The following PCBP3 variants were observed in gnomAD, a reference collection of about 807,000 sequenced individuals.
PCBP3 encodes poly(rC) binding protein 3.
PCBP3 carries 25 observed loss-of-function variants against 52.7 expected under a neutral mutation model. The ratio of observed to expected loss-of-function variants is 0.47; its 90% CI spans 0.35 to 0.66. PCBP3 has a LOEUF of 0.66. Ranked by LOEUF, PCBP3 falls within the 30% of genes least tolerant of loss-of-function variation. PCBP3 has a pLI of 0.01. For synonymous variants in PCBP3, 162 were observed against 183.0 expected (o/e 0.89, Z 0.93); for missense variants, 391 against 490.3 (o/e 0.80, Z 1.91).
chr21:45,725,516 G>T (rs1038233957), intron 2 of PCBP3, among the ~76,000 whole-genome samples: 2 of 152,328 alleles, frequency 1.3e-5, no homozygotes, highest in South Asian at 4.1e-4. Context: ...GACTGTGGGG[G>T]CAGTGCCTGC....
At chr21:45,891,635 T>C (rs1463393558) in intron 5 of PCBP3, among the ~76,000 whole-genome samples, 1 of 152,158 alleles carries the variant, frequency 6.6e-6, no homozygotes, top group African/African-American at 2.4e-5. Flanking sequence ...TGTGAGCCAC[T>C]GTGGGACACC....
intron 11 of PCBP3, chr21:45,911,293 C>A (rs544812012): frequency 1.2e-4 from 61 of 498,942 alleles, no homozygotes; most frequent in South Asian, 1.2e-3. Context: ...CTCCTCTCAT[C>A]TTCGGATTTG....
rs535815419 is a variant in PCBP3 at position 45,793,428 on chromosome 21, G to A, written c.-126+37976G>A. On this transcript the variant is annotated intron_variant, in intron 4 of 17. Coordinates refer to ENST00000681687, the MANE Select transcript of PCBP3 (RefSeq NM_001384156.1). ...GGACTGACAGGCGGGGAGAGCGAGA[G>A]GAAAAGCTGAGGCCAAGCGCGATGC... is the stretch of plus-strand genomic sequence containing the variant. Among the ~76,000 whole-genome samples, 7 of 152,212 alleles carry A rather than the reference G, an allele frequency of 4.6e-5. No homozygotes were observed. In the South Asian group the frequency reaches 1.5e-3, roughly 32 times the overall value.
At position 45,817,074 on chromosome 21, in the gene PCBP3, G is replaced by A. The variant is rs1034967958; in HGVS notation, c.-125-32887G>A. 6.6e-6 allele frequency among the ~76,000 whole-genome samples: 1 copy of A among 152,188 alleles called. No individual in the cohort carries two copies. Among genetic ancestry groups the A allele is most frequent in the African/African-American group, 2.4e-5 (1 of 41,430 alleles). On this transcript the variant is annotated intron_variant, in intron 4 of 17. Transcript: ENST00000681687. This position sits in a 1 kb window ranked among gnomAD's most constrained non-coding sequence, Gnocchi z 4.3. The stretch of plus-strand genomic sequence containing the variant: ...TGCCTGAAATGCCGTTGTGTGGCAC[G>A]TGACTATATATGCTACGCTGTTAAG...
At chr21:45,644,122 C>A (rs2079096811) in intron 1 of PCBP3, among the ~76,000 whole-genome samples, 1 of 151,414 alleles carries the variant, frequency 6.6e-6, no homozygotes, top group Non-Finnish European at 1.5e-5. Flanking sequence ...GCCTCCGCCC[C>A]CTCCCCAAAT....
intron 4 of PCBP3, among the ~76,000 whole-genome samples, chr21:45,841,113 G>A (rs185279780): frequency 2.9e-4 from 44 of 152,296 alleles, no homozygotes; most frequent in Admixed American, 7.8e-4. Context: ...CTAGGTTTGG[G>A]TAAGTATATT....
chr21:45,744,968 G>A (rs1304085183), intron 3 of PCBP3, among the ~76,000 whole-genome samples: 1 of 152,186 alleles, frequency 6.6e-6, no homozygotes, highest in Non-Finnish European at 1.5e-5. Flanking sequence ...GTGACTGTGG[G>A]TGTTTTGTAG....
intron 2 of PCBP3, among the ~76,000 whole-genome samples, chr21:45,713,208 T>C (rs2083969055): frequency 6.6e-6 from 1 of 152,242 alleles, no homozygotes; most frequent in African/African-American, 2.4e-5. Flanking sequence ...TAAAAAGTTG[T>C]GCTTGGTGTC....
intron 4 of PCBP3, among the ~76,000 whole-genome samples, chr21:45,769,733 G>A (rs1603411327): frequency 1.3e-5 from 2 of 152,216 alleles, no homozygotes; most frequent in Admixed American, 6.5e-5. Flanking sequence ...CTGGCTGGCC[G>A]TCTCTCGTAG....
chr21:45,682,521 C>T lies in PCBP3; in HGVS notation c.-200+13569C>T, dbSNP rs192083040. Among the ~76,000 whole-genome samples the T allele has an allele frequency of 5.9e-5, 9 of 152,194 alleles. No individual in the cohort carries two copies. The East Asian group carries it at 1.2e-3, about 20-fold the overall frequency. ...ATTAAAAACTGAGTGCACTTATCCA[C>T]GTGAAGAATAATGGTGGCATATGGC... On this transcript the variant is annotated intron_variant, in intron 2 of 17. Coordinates refer to ENST00000681687, the MANE Select transcript of PCBP3 (RefSeq NM_001384156.1).
intron 3 of PCBP3, among the ~76,000 whole-genome samples, chr21:45,745,410 C>T (rs763372113): frequency 1.9e-4 from 29 of 152,112 alleles, no homozygotes; most frequent in Non-Finnish European, 3.4e-4. Flanking sequence ...GGGCTGGGCT[C>T]TGTGAGGCCC....
chr21:45,747,724 C>T (rs959222661), intron 3 of PCBP3, among the ~76,000 whole-genome samples: 4 of 152,220 alleles, frequency 2.6e-5, no homozygotes, highest in East Asian at 1.9e-4. Context: ...GCAGCCTCAT[C>T]GAATCTCAGG....
In PCBP3 at chr21:45,909,402, A is replaced by G. The variant is rs1268288535; in HGVS notation, c.387A>G (p.Pro129=). The change falls in exon 10 of 18, where the codon CCA becomes CCG. Residue 129 remains proline (P), a synonymous_variant. Coordinates refer to ENST00000681687, the MANE Select transcript of PCBP3 (RefSeq NM_001384156.1). ...ACAGCCCTGCCACCAGCAAGCCCCC[A>G]GTGACGCTGAGGCTGGTGGTGCCTG... ...MSNSPATSKP[P]VTLRLVVPAS... The G allele has an allele frequency of 1.9e-6, 3 of 1,613,248 alleles. No homozygotes were observed. Among genetic ancestry groups the G allele is most frequent in the South Asian group, 2.2e-5 (2 of 91,076 alleles).
chr21:45,881,099 T>C (rs141878412), intron 5 of PCBP3, among the ~76,000 whole-genome samples: 2 of 152,302 alleles, frequency 1.3e-5, no homozygotes, highest in African/African-American at 4.8e-5. Flanking sequence ...TCTATTCCTG[T>C]TTTTTTCTGA....
intron 4 of PCBP3, among the ~76,000 whole-genome samples, chr21:45,789,298 G>T (rs570867359): frequency 3.3e-5 from 5 of 152,230 alleles, no homozygotes; most frequent in South Asian, 2.1e-4. Context: ...TAGTGTACCC[G>T]CATGTGTGCG....
chr21:45,693,247 C>A (rs2082585747), intron 2 of PCBP3, among the ~76,000 whole-genome samples: 1 of 152,140 alleles, frequency 6.6e-6, no homozygotes, highest in Non-Finnish European at 1.5e-5. Flanking sequence ...TCTACTCTTG[C>A]CACTTCTCTT....
chr21:45,886,425 G>A (rs1047273744), intron 5 of PCBP3, among the ~76,000 whole-genome samples: 6 of 112,766 alleles, frequency 5.3e-5, no homozygotes, highest in Non-Finnish European at 1.1e-4. Flanking sequence ...TCATTGCTGC[G>A]GGTGCCAAGG....
At chr21:45,801,216 C>T (rs1304302558) in intron 4 of PCBP3, among the ~76,000 whole-genome samples, 2 of 152,204 alleles carry the variant, frequency 1.3e-5, no homozygotes, top group African/African-American at 4.8e-5. Context: ...CATGAGGACC[C>T]TGGAGTGTTC....
chr21:45,740,621 A>ATGT (rs113432935), intron 3 of PCBP3, among the ~76,000 whole-genome samples: 2 of 150,380 alleles, frequency 1.3e-5, no homozygotes, highest in Admixed American at 6.6e-5. Flanking sequence ...TGGTGTGTGT[A>ATGT]GTGTGTGTGT....
Sources: allele counts gnomAD v4.1 joint callset (sites outside exome capture counted in the v4.1 genomes callset), GRCh38; gene constraint gnomAD v4.1.1; non-coding constraint Gnocchi (gnomAD v3.1); transcripts MANE v1.5; gene names NCBI Gene and HGNC (gene_info 2026-07-23, HGNC 2026-07-21).